PLCB1: variants seen among roughly 807,000 people sequenced by gnomAD.
PLCB1 encodes phospholipase C beta 1, also known as 1-phosphatidylinositol 4,5-bisphosphate phosphodiesterase beta-1.
Under a neutral mutation model 161.8 loss-of-function variants are expected in PLCB1, and 46 were observed. The observed-to-expected ratio is 0.28, with a 90% CI of 0.22 to 0.36. The LOEUF (loss-of-function observed/expected upper bound fraction) is 0.36. Among genes scored for constraint, PLCB1 ranks in the 10% least tolerant of loss-of-function variants. The pLI is 1.00. For synonymous variants in PLCB1, 517 were observed against 503.7 expected (o/e 1.03, Z -0.35); for missense variants, 1,016 against 1,472.5 (o/e 0.69, Z 5.07).
intron 2 of PLCB1, among the ~76,000 whole-genome samples, chr20:8,332,685 A>C (rs1431523965): frequency 6.6e-6 from 1 of 152,238 alleles, no homozygotes; most frequent in Non-Finnish European, 1.5e-5. Context: ...GACAGTGCTT[A>C]TAACTGCTAC....
intron 3 of PLCB1, among the ~76,000 whole-genome samples, chr20:8,548,854 C>G (rs1021478990): frequency 3.3e-5 from 5 of 152,138 alleles, no homozygotes; most frequent in African/African-American, 4.8e-5. Context: ...CTTTACTGAG[C>G]TCTGAATGTT....
At chr20:8,311,506 T>A (rs1984402869) in intron 2 of PLCB1, among the ~76,000 whole-genome samples, 1 of 152,220 alleles carries the variant, frequency 6.6e-6, no homozygotes, top group East Asian at 1.9e-4. Flanking sequence ...CTTTGATCCA[T>A]CTTCCTTTTT....
chr20:8,811,475 T>C (rs1003163668), intron 31 of PLCB1, among the ~76,000 whole-genome samples: 5 of 152,200 alleles, frequency 3.3e-5, no homozygotes, highest in African/African-American at 4.8e-5. Context: ...CAGCAGATTT[T>C]ATATTGAGTT....
intron 3 of PLCB1, among the ~76,000 whole-genome samples, chr20:8,522,883 G>A (rs1984407520): frequency 6.8e-6 from 1 of 146,712 alleles, no homozygotes; most frequent in Non-Finnish European, 1.5e-5. Context: ...CAAGAAAGTT[G>A]GTGGGGTGGG....
At chr20:8,867,451 T>A (rs1381346655) in intron 31 of PLCB1, among the ~76,000 whole-genome samples, 1 of 152,256 alleles carries the variant, frequency 6.6e-6, no homozygotes, top group African/African-American at 2.4e-5. Context: ...TCTTTCTGGT[T>A]GGTGGCATTC....
chr20:8,257,996 A>C (rs1436819877), intron 2 of PLCB1, among the ~76,000 whole-genome samples: 5 of 152,144 alleles, frequency 3.3e-5, no homozygotes, highest in Non-Finnish European at 7.4e-5. Context: ...CTAATATATA[A>C]TTTTGTGAAG....
At chr20:8,263,395 C>G (rs993136294) in intron 2 of PLCB1, among the ~76,000 whole-genome samples, 2 of 152,176 alleles carry the variant, frequency 1.3e-5, no homozygotes, top group African/African-American at 2.4e-5. Flanking sequence ...TTAAACATCA[C>G]TTTCAAATGC....
chr20:8,516,448 T>C (rs1008832646), intron 3 of PLCB1, among the ~76,000 whole-genome samples: 1 of 152,062 alleles, frequency 6.6e-6, no homozygotes, highest in Non-Finnish European at 1.5e-5. Context: ...TGTCATCTCC[T>C]ATGGAAGTGA....
intron 2 of PLCB1, among the ~76,000 whole-genome samples, chr20:8,280,147 C>A (rs1322636660): frequency 1.3e-5 from 2 of 152,112 alleles, no homozygotes; most frequent in East Asian, 3.9e-4. Context: ...ACCAGCCTGG[C>A]CAACATGGTG....
intron 31 of PLCB1, among the ~76,000 whole-genome samples, chr20:8,852,217 G>A (rs2146303089): frequency 6.6e-6 from 1 of 152,270 alleles, no homozygotes; most frequent in South Asian, 2.1e-4. Flanking sequence ...TGACATTAGC[G>A]AATATCTTTT....
At chr20:8,440,306 A>G (rs1017349879) in intron 3 of PLCB1, among the ~76,000 whole-genome samples, 1 of 152,206 alleles carries the variant, frequency 6.6e-6, no homozygotes, top group Non-Finnish European at 1.5e-5. Context: ...TGACTCCCAT[A>G]GCTAGTATTG....
At chr20:8,863,882 C>T (rs1987338131) in intron 31 of PLCB1, among the ~76,000 whole-genome samples, 1 of 152,088 alleles carries the variant, frequency 6.6e-6, no homozygotes. Flanking sequence ...TTAACATATA[C>T]TGAAAGATGG....
At chr20:8,582,087 C>A (rs1214886908) in intron 3 of PLCB1, among the ~76,000 whole-genome samples, 1 of 152,156 alleles carries the variant, frequency 6.6e-6, no homozygotes, top group Non-Finnish European at 1.5e-5. Context: ...AACCCCAGAA[C>A]TGGTTGTTAA....
intron 3 of PLCB1, among the ~76,000 whole-genome samples, chr20:8,416,051 T>C (rs1385293131): frequency 1.3e-5 from 2 of 152,194 alleles, no homozygotes; most frequent in African/African-American, 4.8e-5. Context: ...TTTCACTCTG[T>C]CTCTCCCCTA....
intron 31 of PLCB1, among the ~76,000 whole-genome samples, chr20:8,834,720 C>A: frequency 6.9e-6 from 1 of 144,940 alleles, no homozygotes; most frequent in East Asian, 2.1e-4. Flanking sequence ...GAGGCTGAGA[C>A]AGGAGAATTG....
At chr20:8,412,204 C>T (rs1278611706) in intron 3 of PLCB1, among the ~76,000 whole-genome samples, 1 of 152,180 alleles carries the variant, frequency 6.6e-6, no homozygotes, top group Non-Finnish European at 1.5e-5. Context: ...TAGTTTACAA[C>T]AACATGCATT....
intron 2 of PLCB1, among the ~76,000 whole-genome samples, chr20:8,347,184 T>A (rs1273354372): frequency 2.6e-5 from 4 of 152,190 alleles, no homozygotes; most frequent in Non-Finnish European, 5.9e-5. Flanking sequence ...ACAAATGTGG[T>A]TTACCTTGGG....
Position 8,286,638 on chromosome 20 carries a change from C to T in PLCB1, c.178-84744C>T, listed in dbSNP as rs376079383. 2.6e-5 allele frequency among the ~76,000 whole-genome samples: 4 copies of T among 152,062 alleles called. No homozygotes were observed. The East Asian group carries it at 7.7e-4, about 29-fold the overall frequency. Reference sequence around the variant, plus strand: ...TGAATTGTCTGAGTGTGCTCTTTGTCCATTCCTCCTTTTGTTAATTAATTT... The same window carrying T: ...TGAATTGTCTGAGTGTGCTCTTTGTTCATTCCTCCTTTTGTTAATTAATTT... On this transcript the variant is annotated intron_variant, in intron 2 of 31. Coordinates refer to ENST00000338037, the MANE Select transcript of PLCB1 (RefSeq NM_015192.4).
chr20:8,743,647 C>T (rs751825990), intron 23 of PLCB1, among the ~76,000 whole-genome samples: 8 of 152,138 alleles, frequency 5.3e-5, no homozygotes, highest in Non-Finnish European at 1.5e-5. Flanking sequence ...ATGTCCACTT[C>T]TGCTTCTAGG....
Sources: gnomAD v4.1 joint callset for allele counts (sites outside exome capture counted in the v4.1 genomes callset) on GRCh38, gnomAD v4.1.1 for gene constraint, MANE v1.5 for transcripts, NCBI Gene and HGNC (gene_info 2026-07-23, HGNC 2026-07-21) for gene names.